OTOA: variants seen among roughly 807,000 people sequenced by gnomAD.
The protein encoded by OTOA is otoancorin.
A neutral mutation model predicts 110.8 loss-of-function variants in OTOA; 70 were observed. The ratio of observed to expected loss-of-function variants is 0.63; its 90% CI spans 0.52 to 0.77. The LOEUF (loss-of-function observed/expected upper bound fraction) is 0.77. Among genes scored for constraint, OTOA ranks in the 30% least tolerant of loss-of-function variants. The probability of loss-of-function intolerance (pLI) is 0.00; values close to 1 mark genes in which losing one functional copy is unlikely to be tolerated. For missense variants in OTOA, 917 were observed against 1,075.8 expected (o/e 0.85, Z 2.06); for synonymous variants, 373 against 431.5 (o/e 0.86, Z 1.68).
intron 6 of OTOA, 48 bp from the exon 7 acceptor site, chr16:21,685,182 C>T: frequency 6.2e-7 from 1 of 1,605,216 alleles, no homozygotes; most frequent in Non-Finnish European, 8.5e-7. Context: ...TGACCATGTG[C>T]TCCTGCTCTT....
At position 21,678,536 on chromosome 16, in the gene OTOA, T is replaced by TAC. The variant is rs751802266; in HGVS notation, c.23_24dup (p.Ser9ThrfsTer9). On this transcript the variant is annotated frameshift_variant, in exon 2 of 29. Coordinates refer to ENST00000646100, the MANE Select transcript of OTOA (RefSeq NM_144672.4). LOFTEE classifies it high-confidence loss of function. ...GAGAATGTCTCAGGAACCTACGACATACTCCCTTTTCCTATTCCTTTTTCT... is the reference window on the plus strand; with the variant it reads ...GAGAATGTCTCAGGAACCTACGACATACACTCCCTTTTCCTATTCCTTTTTCT... The TAC allele has an allele frequency of 6.2e-7, 1 of 1,613,876 alleles. No homozygotes were observed. The highest frequency in any genetic ancestry group is 8.5e-7 in the Non-Finnish European group (1 of 1,179,910).
chr16:21,684,420 T>A, intron 6 of OTOA: 1 of 1,524,780 alleles, frequency 6.6e-7, no homozygotes, highest in South Asian at 1.2e-5. Flanking sequence ...CGCCACAGAG[T>A]ATGTTCATTT....
rs397855951 is a variant in OTOA at position 21,687,667 on chromosome 16, CTT to C, written c.635+36_635+37del. 0.024 allele frequency: 31,093 copies of C among 1,269,806 alleles called. No homozygotes were observed. The highest frequency in any genetic ancestry group is 0.03 in the Middle Eastern group (110 of 3,698). 78.7% of individuals were successfully genotyped at this position (1,269,806 alleles called of 1,614,324 possible). A position where few individuals can be genotyped will look rare whatever the true frequency, so the allele number is the denominator to read the frequency against. ...AGAACCTGTGAGTGGTTCCTCCGAA[CTT>C]TTTTTTTTTTTTTTTTGAGATGGAG... On this transcript the variant is annotated intron_variant, in intron 8 of 28. Transcript: ENST00000646100.
At chr16:21,679,784 A>G (rs1966874799) in intron 5 of OTOA, among the ~76,000 whole-genome samples, 1 of 152,068 alleles carries the variant, frequency 6.6e-6, no homozygotes, top group Non-Finnish European at 1.5e-5. Context: ...TCTAATCCTC[A>G]CAAGTGCCAC....
intron 7 of OTOA, 148 bp from the exon 8 acceptor site, chr16:21,687,265 A>C: frequency 1.4e-6 from 1 of 719,868 alleles, no homozygotes; most frequent in Non-Finnish European, 2.5e-6. Context: ...TTCTGCAGGG[A>C]ATGGAAAGTT....
chr16:21,737,814 G>A (rs1285337599), intron 22 of OTOA, among the ~76,000 whole-genome samples: 1 of 152,296 alleles, frequency 6.6e-6, no homozygotes, highest in Non-Finnish European at 1.5e-5. Flanking sequence ...TACCATGCCT[G>A]TCCAAGTGTT....
intron 10 of OTOA, among the ~76,000 whole-genome samples, 192 bp downstream of exon 10, chr16:21,698,067 T>C (rs564846347): frequency 6.6e-6 from 1 of 152,282 alleles, no homozygotes; most frequent in East Asian, 1.9e-4. Context: ...ATGGGATTGT[T>C]TTAGTGTGGA....
chr16:21,667,596 G>A (rs2141643687), intron 1 of OTOA, among the ~76,000 whole-genome samples: 1 of 150,464 alleles, frequency 6.6e-6, no homozygotes, highest in South Asian at 2.1e-4. Context: ...GAGAGACTCT[G>A]TCTTAAAAAA....
intron 19 of OTOA, among the ~76,000 whole-genome samples, chr16:21,727,378 G>A (rs1284681080): frequency 6.6e-6 from 1 of 152,096 alleles, no homozygotes; most frequent in Non-Finnish European, 1.5e-5. Flanking sequence ...AGGCTCAAAG[G>A]CCAGATTGTC....
intron 6 of OTOA, among the ~76,000 whole-genome samples, chr16:21,683,338 C>A (rs1966930742): frequency 6.6e-6 from 1 of 152,154 alleles, no homozygotes; most frequent in Non-Finnish European, 1.5e-5. Context: ...CCTTTTATTG[C>A]CTCCATTTTG....
At chr16:21,710,572 C>T (rs1415970694) in intron 13 of OTOA, among the ~76,000 whole-genome samples, 2 of 152,118 alleles carry the variant, frequency 1.3e-5, no homozygotes, top group Non-Finnish European at 2.9e-5. Flanking sequence ...CAGGGGGCAA[C>T]CAATCAGTAA....
chr16:21,705,400 C>G, intron 12 of OTOA, 108 bp downstream of exon 12: 1 of 1,561,200 alleles, frequency 6.4e-7, no homozygotes, highest in South Asian at 1.1e-5. Context: ...CAGCATTAGT[C>G]GGGATTTAAG....
chr16:21,679,258 T>A (rs772527280), intron 5 of OTOA, 47 bp downstream of exon 5: 1 of 1,578,946 alleles, frequency 6.3e-7, no homozygotes, highest in Non-Finnish European at 8.7e-7. Context: ...AGATTTTTAA[T>A]AAAAATTCTT....
chr16:21,708,066 C>T (rs1244910364), intron 12 of OTOA, among the ~76,000 whole-genome samples: 1 of 151,982 alleles, frequency 6.6e-6, no homozygotes, highest in African/African-American at 2.4e-5. Context: ...ACTGGGACTA[C>T]AGGCGTGAGC....
chr16:21,720,602 G>A (rs1324077778), intron 17 of OTOA, among the ~76,000 whole-genome samples: 3 of 152,134 alleles, frequency 2.0e-5, no homozygotes, highest in African/African-American at 7.2e-5. Context: ...ACAAATTGGG[G>A]GCCCCACTCC....
intron 12 of OTOA, among the ~76,000 whole-genome samples, chr16:21,707,580 T>G: frequency 7.6e-6 from 1 of 131,966 alleles, no homozygotes; most frequent in Admixed American, 7.6e-5. Flanking sequence ...CTCCCTACCT[T>G]CCTTCTCCTT....
chr16:21,706,219 CTCT>C (rs1445376636), intron 12 of OTOA, among the ~76,000 whole-genome samples: 1 of 152,214 alleles, frequency 6.6e-6, no homozygotes, highest in Non-Finnish European at 1.5e-5. Context: ...TCCCATCTTC[CTCT>C]TCTTCCTCCT....
chr16:21,708,653 T>A (rs1027215197), intron 12 of OTOA, among the ~76,000 whole-genome samples: 1 of 152,168 alleles, frequency 6.6e-6, no homozygotes, highest in African/African-American at 2.4e-5. Context: ...GTTGCCGAAC[T>A]TAGAGAACCC....
At chr16:21,695,023 TA>T (rs1266300249) in intron 9 of OTOA, among the ~76,000 whole-genome samples, 2 of 140,658 alleles carry the variant, frequency 1.4e-5, no homozygotes, top group African/African-American at 5.5e-5. Flanking sequence ...TACAGTGAGT[TA>T]AAATTAATTC....
Sources: allele counts gnomAD v4.1 joint callset (sites outside exome capture counted in the v4.1 genomes callset), GRCh38; gene constraint gnomAD v4.1.1; transcripts MANE v1.5; gene names NCBI Gene and HGNC (gene_info 2026-07-23, HGNC 2026-07-21).